Variants in KCNIP4 observed in about 807,000 individuals in gnomAD.
The protein encoded by KCNIP4 is Kv channel-interacting protein 4.
A neutral mutation model predicts 34.0 loss-of-function variants in KCNIP4; 12 were observed. The ratio of observed to expected loss-of-function variants is 0.35; its 90% CI spans 0.23 to 0.57. KCNIP4 has a LOEUF of 0.57. Among genes scored for constraint, KCNIP4 ranks in the 20% least tolerant of loss-of-function variants. KCNIP4 has a pLI of 0.83. For synonymous variants in KCNIP4, 124 were observed against 102.2 expected (o/e 1.21, Z -1.29); for missense variants, 238 against 311.7 (o/e 0.76, Z 1.78).
At chr4:21,444,786 T>G (rs1445442114) in intron 1 of KCNIP4, among the ~76,000 whole-genome samples, 1 of 152,004 alleles carries the variant, frequency 6.6e-6, no homozygotes, top group African/African-American at 2.4e-5. Flanking sequence ...GGCAATCAGG[T>G]AGGAGAAGGA....
At chr4:20,833,746 A>G (rs925019000) in intron 3 of KCNIP4, among the ~76,000 whole-genome samples, 1 of 152,180 alleles carries the variant, frequency 6.6e-6, no homozygotes, top group Non-Finnish European at 1.5e-5. Flanking sequence ...CAGTGCAGTT[A>G]ATACACTCAT....
intron 1 of KCNIP4, among the ~76,000 whole-genome samples, chr4:21,820,698 T>C (rs1722306337): frequency 6.6e-6 from 1 of 152,156 alleles, no homozygotes; most frequent in African/African-American, 2.4e-5. Context: ...CTGCTGATAA[T>C]TTCACATTTG....
At chr4:20,888,785 A>T (rs538766207) in intron 1 of KCNIP4, among the ~76,000 whole-genome samples, 1 of 152,238 alleles carries the variant, frequency 6.6e-6, no homozygotes, top group African/African-American at 2.4e-5. Flanking sequence ...GTCTTTCTCC[A>T]AATTAAGGGC....
intron 1 of KCNIP4, among the ~76,000 whole-genome samples, chr4:21,165,589 C>G (rs1462384951): frequency 6.6e-6 from 1 of 151,654 alleles, no homozygotes; most frequent in Non-Finnish European, 1.5e-5. Flanking sequence ...AATGATACAA[C>G]TTCTAGAAAA....
intron 1 of KCNIP4, among the ~76,000 whole-genome samples, chr4:21,452,538 G>A (rs988676313): frequency 6.6e-6 from 1 of 151,870 alleles, no homozygotes; most frequent in Non-Finnish European, 1.5e-5. Context: ...TCCCTCATAG[G>A]GCAGTTTTGA....
intron 1 of KCNIP4, among the ~76,000 whole-genome samples, chr4:21,036,377 G>A (rs76033566): frequency 0.065 from 9,954 of 152,196 alleles, 467 homozygotes; most frequent in East Asian, 0.24. Flanking sequence ...TATGGAATAC[G>A]TAGATCCAAT....
intron 1 of KCNIP4, among the ~76,000 whole-genome samples, chr4:21,464,071 T>C (rs12643958): frequency 0.076 from 11,519 of 152,036 alleles, 535 homozygotes; most frequent in East Asian, 0.14. Flanking sequence ...TCCACTCCCA[T>C]TTTTGATTTT....
chr4:21,175,384 G>C (rs560402172), intron 1 of KCNIP4, among the ~76,000 whole-genome samples: 1 of 152,168 alleles, frequency 6.6e-6, no homozygotes, highest in Admixed American at 6.5e-5. Flanking sequence ...TTCAGTAAAT[G>C]CCTGAAACCA....
At chr4:21,784,712 G>A (rs771130923) in intron 1 of KCNIP4, among the ~76,000 whole-genome samples, 5 of 151,980 alleles carry the variant, frequency 3.3e-5, no homozygotes, top group African/African-American at 4.8e-5. Context: ...AATCCAACTA[G>A]GTCAAATAAA....
chr4:20,831,779 A>C (rs1718454306), intron 3 of KCNIP4, among the ~76,000 whole-genome samples: 1 of 152,206 alleles, frequency 6.6e-6, no homozygotes, highest in African/African-American at 2.4e-5. Context: ...CATTGTTAGC[A>C]TTTGCTTCAT....
chr4:21,034,324 A>G (rs554549957), intron 1 of KCNIP4, among the ~76,000 whole-genome samples: 11 of 152,216 alleles, frequency 7.2e-5, no homozygotes, highest in Non-Finnish European at 1.5e-4. Context: ...ATTGAAAACA[A>G]ATCAGCCTGG....
At chr4:21,653,169 T>C (rs530736498) in intron 1 of KCNIP4, among the ~76,000 whole-genome samples, 5 of 152,310 alleles carry the variant, frequency 3.3e-5, no homozygotes, top group African/African-American at 1.2e-4. Flanking sequence ...TGTATCTGTT[T>C]GTACATAATG....
chr4:20,818,048 T>C (rs1716628631), intron 3 of KCNIP4, among the ~76,000 whole-genome samples: 1 of 152,214 alleles, frequency 6.6e-6, no homozygotes, highest in Admixed American at 6.5e-5. Context: ...TCTACTGCTG[T>C]TGTGCACTGT....
At chr4:21,070,203 C>T (rs2108994201) in intron 1 of KCNIP4, among the ~76,000 whole-genome samples, 1 of 152,262 alleles carries the variant, frequency 6.6e-6, no homozygotes, top group East Asian at 1.9e-4. Flanking sequence ...GAATTCCATG[C>T]TGTGGATGTA....
At chr4:21,695,689 A>C (rs1162935713) in intron 1 of KCNIP4, among the ~76,000 whole-genome samples, 1 of 152,166 alleles carries the variant, frequency 6.6e-6, no homozygotes, top group Non-Finnish European at 1.5e-5. Flanking sequence ...TTCAACAAAC[A>C]GAATGAGCTA....
At chr4:20,884,165 T>A (rs962637238) in intron 1 of KCNIP4, among the ~76,000 whole-genome samples, 10 of 152,204 alleles carry the variant, frequency 6.6e-5, no homozygotes, top group African/African-American at 2.4e-4. Context: ...TCACTTTGGA[T>A]ATCTAAAGAA....
At chr4:20,975,800 G>C (rs1449987563) in intron 1 of KCNIP4, among the ~76,000 whole-genome samples, 1 of 152,084 alleles carries the variant, frequency 6.6e-6, no homozygotes, top group African/African-American at 2.4e-5. Context: ...TCTCAATTTT[G>C]GTATCACCTG....
intron 1 of KCNIP4, among the ~76,000 whole-genome samples, chr4:21,904,411 T>C (rs1281104705): frequency 6.6e-6 from 1 of 152,224 alleles, no homozygotes; most frequent in African/African-American, 2.4e-5. Context: ...ACAGTGTATG[T>C]GACAGGATCT....
chr4:21,749,576 T>C (rs1717011166), intron 1 of KCNIP4, among the ~76,000 whole-genome samples: 2 of 152,112 alleles, frequency 1.3e-5, no homozygotes, highest in Non-Finnish European at 2.9e-5. Flanking sequence ...ACCCCATTCA[T>C]AAGTTCATAT....
Sources: gnomAD v4.1 joint callset for allele counts (sites outside exome capture counted in the v4.1 genomes callset) on GRCh38, gnomAD v4.1.1 for gene constraint, MANE v1.5 for transcripts, NCBI Gene and HGNC (gene_info 2026-07-23, HGNC 2026-07-21) for gene names.